CNGB3: variants seen among roughly 807,000 people sequenced by gnomAD.
CNGB3 encodes cyclic nucleotide gated channel subunit beta 3, also known as cyclic nucleotide-gated channel beta-3.
A neutral mutation model predicts 92.8 loss-of-function variants in CNGB3; 86 were observed. The observed-to-expected ratio is 0.93, with a 90% CI of 0.78 to 1.11. The LOEUF is 1.11. Ranked by LOEUF, CNGB3 falls within the 50% of genes least tolerant of loss-of-function variation. The probability of loss-of-function intolerance (pLI) is 0.00; values close to 1 mark genes in which losing one functional copy is unlikely to be tolerated. For synonymous variants in CNGB3, 333 were observed against 332.7 expected (o/e 1.00, Z -0.01); for missense variants, 1,026 against 956.8 (o/e 1.07, Z -0.95).
intron 3 of CNGB3, among the ~76,000 whole-genome samples, chr8:86,720,943 T>A (rs1374009031): frequency 6.7e-6 from 1 of 149,254 alleles, no homozygotes; most frequent in African/African-American, 2.5e-5. Context: ...GCAGCTTGGA[T>A]GGAATTGGAG....
At chr8:86,586,270 A>G (rs1008388586) in intron 15 of CNGB3, among the ~76,000 whole-genome samples, 15 of 152,182 alleles carry the variant, frequency 9.9e-5, no homozygotes, top group Non-Finnish European at 1.8e-4. Flanking sequence ...GCAGATAGCC[A>G]ATTAGCAAAT....
At chr8:86,638,041 T>C (rs1433044431) in intron 10 of CNGB3, among the ~76,000 whole-genome samples, 1 of 152,170 alleles carries the variant, frequency 6.6e-6, no homozygotes, top group East Asian at 1.9e-4. Flanking sequence ...ATTTATGTTG[T>C]GTATTGGTAA....
intron 3 of CNGB3, among the ~76,000 whole-genome samples, chr8:86,697,612 A>G (rs1328535550): frequency 6.6e-6 from 1 of 152,174 alleles, no homozygotes; most frequent in Non-Finnish European, 1.5e-5. Context: ...AGCAAAACTC[A>G]CTTGCTATCT....
At chr8:86,591,121 G>A (rs1334218740) in intron 15 of CNGB3, among the ~76,000 whole-genome samples, 2 of 151,140 alleles carry the variant, frequency 1.3e-5, no homozygotes, top group African/African-American at 4.9e-5. Context: ...CTTTCTTCCA[G>A]TTGATCACAT....
At position 86,634,546 on chromosome 8, in the gene CNGB3, G is replaced by T. The variant is rs540730901; in HGVS notation, c.1179-1653C>A. 1.6e-4 allele frequency among the ~76,000 whole-genome samples: 24 copies of T among 152,054 alleles called. No individual in the cohort carries two copies. In the East Asian group the frequency reaches 4.6e-3, roughly 29 times the overall value. On this transcript the variant is annotated intron_variant, in intron 10 of 17. Transcript: ENST00000320005. The stretch of plus-strand genomic sequence containing the variant: ...AATTCTACATAGCTCTGATAACTTG[G>T]TCTGTATCAAGCATTTCCACTGAAT...
At chr8:86,719,316 G>A (rs1824922097) in intron 3 of CNGB3, among the ~76,000 whole-genome samples, 1 of 152,084 alleles carries the variant, frequency 6.6e-6, no homozygotes, top group Non-Finnish European at 1.5e-5. Context: ...AATGAATTAA[G>A]CAAAGTTTCA....
At chr8:86,682,165 C>T (rs2131628675) in intron 3 of CNGB3, among the ~76,000 whole-genome samples, 1 of 152,186 alleles carries the variant, frequency 6.6e-6, no homozygotes, top group Non-Finnish European at 1.5e-5. Context: ...ATTTTGGAAC[C>T]ACATGCTGAA....
intron 3 of CNGB3, among the ~76,000 whole-genome samples, chr8:86,679,506 T>TTTTC (rs765972049): frequency 2.0e-4 from 29 of 147,838 alleles, no homozygotes; most frequent in Non-Finnish European, 2.7e-4. Flanking sequence ...TTGGTGTCCT[T>TTTTC]TTTCTTTCTT....
chr8:86,643,583 C>G (rs1823233620), intron 10 of CNGB3, among the ~76,000 whole-genome samples, 168 bp downstream of exon 10: 2 of 151,184 alleles, frequency 1.3e-5, no homozygotes, highest in Non-Finnish European at 3.0e-5. Context: ...CAGTCCCATC[C>G]ATTTTGGTGC....
At chr8:86,584,262 T>C (rs773636175) in intron 15 of CNGB3, among the ~76,000 whole-genome samples, 8 of 152,194 alleles carry the variant, frequency 5.3e-5, no homozygotes, top group Non-Finnish European at 8.8e-5. Context: ...AGGACAATGA[T>C]TGGATGAGTC....
At chr8:86,689,156 T>A (rs531669424) in intron 3 of CNGB3, among the ~76,000 whole-genome samples, 1 of 21,522 alleles carries the variant, frequency 4.6e-5, no homozygotes, top group Non-Finnish European at 8.5e-5. Context: ...TAATTTCATG[T>A]TTTTTTTTTC....
At position 86,605,131 on chromosome 8, in the gene CNGB3, C is replaced by T. The variant is rs143956923; in HGVS notation, c.1663-920G>A. 6.3e-4 allele frequency among the ~76,000 whole-genome samples: 96 copies of T among 152,260 alleles called. 1 individual carries two copies. Among genetic ancestry groups the T allele is most frequent in the Non-Finnish European group, 1.1e-3 (78 of 68,028 alleles). On this transcript the variant is annotated intron_variant, in intron 14 of 17. Transcript: ENST00000320005. ...TAGTAAGCCTGTGTCTGATTTCTCT[C>T]GTGTTTGCCCATGTATATCTTTTTC...
chr8:86,724,671 T>A (rs776823575), intron 3 of CNGB3, among the ~76,000 whole-genome samples: 1 of 152,078 alleles, frequency 6.6e-6, no homozygotes, highest in Non-Finnish European at 1.5e-5. Context: ...AGAGATCTTA[T>A]AATAGGGGCA....
At chr8:86,674,938 CTTT>C (rs1823936602) in intron 3 of CNGB3, among the ~76,000 whole-genome samples, 1 of 123,274 alleles carries the variant, frequency 8.1e-6, no homozygotes, top group Non-Finnish European at 1.8e-5. Flanking sequence ...TTCTTTCTCT[CTTT>C]TTGTTGTTGT....
chr8:86,635,859 TATATACAC>T (rs1439116127), intron 10 of CNGB3, among the ~76,000 whole-genome samples: 357 of 70,306 alleles, frequency 5.1e-3, no homozygotes, highest in Middle Eastern at 0.014. Flanking sequence ...TATATATATA[TATATACAC>T]ATACACATAT....
chr8:86,650,952 C>T (rs34829505), intron 7 of CNGB3, among the ~76,000 whole-genome samples: 9,256 of 151,720 alleles, frequency 0.061, 314 homozygotes, highest in South Asian at 0.12. Context: ...GAAAATTTGG[C>T]ATATGTACAC....
chr8:86,714,625 T>C (rs965307800), intron 3 of CNGB3, among the ~76,000 whole-genome samples: 9 of 152,054 alleles, frequency 5.9e-5, no homozygotes, highest in African/African-American at 1.9e-4. Context: ...CAGGAACATA[T>C]CAGGAAAACT....
intron 15 of CNGB3, among the ~76,000 whole-genome samples, chr8:86,585,053 T>C (rs1315222541): frequency 6.6e-6 from 1 of 152,164 alleles, no homozygotes; most frequent in Non-Finnish European, 1.5e-5. Context: ...ACTATAGGTA[T>C]CTGATTATCT....
At chr8:86,718,247 T>G (rs1480893700) in intron 3 of CNGB3, among the ~76,000 whole-genome samples, 3 of 152,038 alleles carry the variant, frequency 2.0e-5, no homozygotes, top group African/African-American at 7.2e-5. Flanking sequence ...TTTGAAAAGA[T>G]AAATAAAATT....
Sources: gnomAD v4.1 joint callset for allele counts (sites outside exome capture counted in the v4.1 genomes callset) on GRCh38, gnomAD v4.1.1 for gene constraint, MANE v1.5 for transcripts, NCBI Gene and HGNC (gene_info 2026-07-23, HGNC 2026-07-21) for gene names.